GNPTAB: variants seen among roughly 807,000 people sequenced by gnomAD.
GNPTAB encodes N-acetylglucosamine-1-phosphotransferase subunits alpha/beta.
In GNPTAB, 92 loss-of-function variants were observed where a neutral mutation model predicts 136.6. The observed-to-expected ratio is 0.67, with a 90% CI of 0.57 to 0.80. The LOEUF is 0.80. Ranked by LOEUF, GNPTAB falls within the 30% of genes least tolerant of loss-of-function variation. The pLI, the probability that GNPTAB is intolerant of heterozygous loss-of-function variation, is 0.00. For synonymous variants in GNPTAB, 512 were observed against 535.1 expected, an observed-to-expected ratio of 0.96 and a Z score of 0.60; for missense variants, 1,343 against 1,501.8, an observed-to-expected ratio of 0.89 and a Z score of 1.75.
At chr12:101,749,443 T>G (rs1952783842) in intron 19 of GNPTAB, among the ~76,000 whole-genome samples, 2 of 152,188 alleles carry the variant, frequency 1.3e-5, no homozygotes, top group South Asian at 4.1e-4. Flanking sequence ...GAAAATTACT[T>G]CTGGCACTTA....
At chr12:101,797,422 C>G (rs112555150) in intron 1 of GNPTAB, among the ~76,000 whole-genome samples, 1 of 152,004 alleles carries the variant, frequency 6.6e-6, no homozygotes, top group Non-Finnish European at 1.5e-5. Flanking sequence ...CTCAGGAGTT[C>G]GAGACCAGCC....
intron 1 of GNPTAB, among the ~76,000 whole-genome samples, chr12:101,805,758 G>A (rs1869901890): frequency 6.6e-6 from 1 of 152,082 alleles, no homozygotes; most frequent in Non-Finnish European, 1.5e-5. Context: ...AGGAGCAATT[G>A]GCAGTGTGTA....
At chr12:101,757,066 A>C in intron 18 of GNPTAB, 146 bp downstream of exon 18, 1 of 601,140 alleles carries the variant, frequency 1.7e-6, no homozygotes, top group East Asian at 2.8e-5. Flanking sequence ...TGCAACTCCT[A>C]TCTCTCACTC....
intron 10 of GNPTAB, 29 bp downstream of exon 10, chr12:101,769,992 A>G (rs1953146608): frequency 2.5e-6 from 4 of 1,607,854 alleles, no homozygotes; most frequent in Non-Finnish European, 2.6e-6. Flanking sequence ...CTTCCACGCT[A>G]GACAACCCCC....
chr12:101,781,963 C>T (rs1868368564), intron 5 of GNPTAB, among the ~76,000 whole-genome samples: 1 of 152,186 alleles, frequency 6.6e-6, no homozygotes, highest in African/African-American at 2.4e-5. Context: ...TGGGCTAGAA[C>T]TTAACCAATT....
chr12:101,752,767 T>C (rs1566066908), intron 19 of GNPTAB, among the ~76,000 whole-genome samples: 1 of 152,228 alleles, frequency 6.6e-6, no homozygotes, highest in East Asian at 1.9e-4. Context: ...TCTCATTTTA[T>C]ACTAAACAAT....
intron 1 of GNPTAB, among the ~76,000 whole-genome samples, chr12:101,798,101 T>C (rs1869403737): frequency 6.6e-6 from 1 of 152,204 alleles, no homozygotes; most frequent in Non-Finnish European, 1.5e-5. Flanking sequence ...ACTTATGTTT[T>C]CACCACTTTA....
intron 15 of GNPTAB, among the ~76,000 whole-genome samples, 179 bp downstream of exon 15, chr12:101,760,948 T>C (rs1952982874): frequency 6.6e-6 from 1 of 151,936 alleles, no homozygotes; most frequent in African/African-American, 2.4e-5. Context: ...TCCGGCTAAT[T>C]TTTTGTATTT....
At chr12:101,770,952 T>G (rs1294647756) in intron 8 of GNPTAB, 44 bp downstream of exon 8, 1 of 1,577,166 alleles carries the variant, frequency 6.3e-7, no homozygotes, top group Non-Finnish European at 8.7e-7. Context: ...TTTTAACATC[T>G]TAACCTTTGA....
intron 10 of GNPTAB, among the ~76,000 whole-genome samples, chr12:101,769,783 G>A (rs989570483): frequency 5.3e-5 from 8 of 150,738 alleles, no homozygotes; most frequent in East Asian, 3.9e-4. Flanking sequence ...GTATTCCACC[G>A]GGCCCAGATA....
rs776493814 is a variant in GNPTAB at position 101,770,205 on chromosome 12, C to G, written c.1114-14G>C. 1 of 1,612,698 alleles carries G rather than the reference C, an allele frequency of 6.2e-7. No individual in the cohort carries two copies. Among genetic ancestry groups the G allele is most frequent in the Non-Finnish European group, 8.5e-7 (1 of 1,179,422 alleles). ...TCGAAAAACATCCTTTTAACAACAA[C>G]AAACAAAAAAAGAGAGTGAATGAGA... On this transcript the variant is annotated splice_polypyrimidine_tract_variant and intron_variant, in intron 9 of 20. Coordinates refer to ENST00000299314, the MANE Select transcript of GNPTAB (RefSeq NM_024312.5).
intron 1 of GNPTAB, among the ~76,000 whole-genome samples, chr12:101,807,540 G>A (rs1420197504): frequency 6.6e-6 from 1 of 151,928 alleles, no homozygotes; most frequent in Non-Finnish European, 1.5e-5. Flanking sequence ...TTTGTTCACC[G>A]ATGACATGAC....
chr12:101,788,137 T>C (rs1379179291), intron 4 of GNPTAB, among the ~76,000 whole-genome samples: 2 of 152,192 alleles, frequency 1.3e-5, no homozygotes, highest in Admixed American at 6.5e-5. Flanking sequence ...CTTCCCAGGT[T>C]CTTAAACATA....
intron 10 of GNPTAB, among the ~76,000 whole-genome samples, chr12:101,768,475 C>T (rs1045530547): frequency 3.9e-5 from 6 of 152,182 alleles, no homozygotes; most frequent in African/African-American, 1.2e-4. Flanking sequence ...AAAGTAGCAC[C>T]ATGCCAGACT....
At chr12:101,813,601 T>C (rs1423500538) in intron 1 of GNPTAB, among the ~76,000 whole-genome samples, 3 of 152,246 alleles carry the variant, frequency 2.0e-5, no homozygotes, top group South Asian at 2.1e-4. Context: ...ATTTGCGTGA[T>C]AGAGATACAA....
In GNPTAB at chr12:101,780,632, G is replaced by T. The variant is rs1361105799; in HGVS notation, c.572-11C>A. 1 of 1,583,650 alleles carries T rather than the reference G, an allele frequency of 6.3e-7. No individual in the cohort carries two copies. The highest frequency in any genetic ancestry group is 8.7e-7 in the Non-Finnish European group (1 of 1,152,548). On this transcript the variant is annotated splice_polypyrimidine_tract_variant and intron_variant, in intron 5 of 20. Transcript: ENST00000299314. ...AGTGGGCATCTTCAACTACAACCAA[G>T]AATACAATAAACAAGCACATTTTTA...
At chr12:101,771,519 C>T (rs551817154) in intron 7 of GNPTAB, among the ~76,000 whole-genome samples, 9 of 152,198 alleles carry the variant, frequency 5.9e-5, no homozygotes, top group Non-Finnish European at 8.8e-5. Flanking sequence ...GCTGGGATTA[C>T]AGGCGTGAGC....
At chr12:101,784,218 T>C (rs1253522570) in intron 5 of GNPTAB, among the ~76,000 whole-genome samples, 1 of 152,150 alleles carries the variant, frequency 6.6e-6, no homozygotes, top group East Asian at 1.9e-4. Flanking sequence ...AATAAAATCA[T>C]TGTGAATATA....
rs552133314 is a variant in GNPTAB, at chr12:101,747,119, A to G, written c.*45T>C. The G allele has an allele frequency of 1.7e-5, 19 of 1,090,830 alleles. No homozygotes were observed. In the South Asian group the frequency reaches 2.4e-4, roughly 14 times the overall value. The allele number at this position is 1,090,830 out of a possible 1,614,324, so 67.6% of individuals were successfully genotyped here. Reference sequence around the variant, plus strand: ...CATCTCTGTGAAGCTGAGTTTTAAAATGCTCAGTAAATGCTGAGGTAGATG... The same window carrying G: ...CATCTCTGTGAAGCTGAGTTTTAAAGTGCTCAGTAAATGCTGAGGTAGATG... On this transcript the variant is annotated 3_prime_UTR_variant, in exon 21 of 21. Coordinates refer to ENST00000299314, the MANE Select transcript of GNPTAB (RefSeq NM_024312.5).
Sources: allele counts gnomAD v4.1 joint callset (sites outside exome capture counted in the v4.1 genomes callset), GRCh38; gene constraint gnomAD v4.1.1; transcripts MANE v1.5; gene names NCBI Gene and HGNC (gene_info 2026-07-23, HGNC 2026-07-21).